The following MGAT5 variants were observed in gnomAD, a reference collection of about 807,000 sequenced individuals.
MGAT5 encodes alpha-1,6-mannosylglycoprotein 6-beta-N-acetylglucosaminyltransferase.
In MGAT5, 30 loss-of-function variants were observed where a neutral mutation model predicts 94.3. The observed-to-expected ratio is 0.32, with a 90% CI of 0.24 to 0.43. The LOEUF is 0.43. MGAT5 is among the 20% of genes least tolerant of loss of function. The pLI is 1.00. For missense variants in MGAT5, 691 were observed against 905.5 expected (o/e 0.76, Z 3.04); for synonymous variants, 310 against 322.9 (o/e 0.96, Z 0.43).
chr2:134,129,934 G>A (rs1043827781), intron 1 of MGAT5, among the ~76,000 whole-genome samples: 1 of 152,188 alleles, frequency 6.6e-6, no homozygotes, highest in Non-Finnish European at 1.5e-5. Flanking sequence ...TTGCGGGGAG[G>A]TGTGGAGGGA....
chr2:134,406,081 C>G (rs1411963474), intron 11 of MGAT5, among the ~76,000 whole-genome samples: 1 of 152,236 alleles, frequency 6.6e-6, no homozygotes, highest in Non-Finnish European at 1.5e-5. Context: ...TCAGGACTCA[C>G]TAGGGTGGCA....
chr2:134,306,150 A>G (rs968666657), intron 2 of MGAT5, among the ~76,000 whole-genome samples: 3 of 152,192 alleles, frequency 2.0e-5, no homozygotes, highest in African/African-American at 7.2e-5. Flanking sequence ...TATGATACCC[A>G]CGTGGAATAT....
intron 1 of MGAT5, among the ~76,000 whole-genome samples, chr2:134,198,460 C>A (rs2105269318): frequency 6.6e-6 from 1 of 152,286 alleles, no homozygotes; most frequent in Admixed American, 6.5e-5. Flanking sequence ...GTGTGTGAGG[C>A]TTGGCTGTTT....
chr2:134,161,973 A>G (rs533562980), intron 1 of MGAT5, among the ~76,000 whole-genome samples: 3 of 151,806 alleles, frequency 2.0e-5, no homozygotes, highest in Admixed American at 1.3e-4. Flanking sequence ...GGCAGATCAC[A>G]TGAGGTTAGG....
intron 1 of MGAT5, among the ~76,000 whole-genome samples, chr2:134,208,324 C>A (rs912400034): frequency 3.9e-5 from 6 of 152,160 alleles, no homozygotes; most frequent in Admixed American, 2.6e-4. Context: ...ATTTGATGTG[C>A]GTATGCATGT....
At chr2:134,159,916 C>T (rs577127338) in intron 1 of MGAT5, among the ~76,000 whole-genome samples, 1 of 152,272 alleles carries the variant, frequency 6.6e-6, no homozygotes, top group East Asian at 1.9e-4. Context: ...TTTAAAAGTT[C>T]CTTATGGGAT....
intron 1 of MGAT5, among the ~76,000 whole-genome samples, chr2:134,266,682 C>T (rs1055779170): frequency 1.3e-5 from 2 of 152,192 alleles, no homozygotes; most frequent in Non-Finnish European, 2.9e-5. Flanking sequence ...TGTTCACTTA[C>T]GTAACACATG....
At chr2:134,330,045 C>T (rs1222376098) in intron 4 of MGAT5, among the ~76,000 whole-genome samples, 1 of 152,022 alleles carries the variant, frequency 6.6e-6, no homozygotes, top group Non-Finnish European at 1.5e-5. Context: ...ATCAGTATAA[C>T]AAATGTGTGT....
At chr2:134,415,485 G>C (rs1412037714) in intron 12 of MGAT5, among the ~76,000 whole-genome samples, 3 of 152,108 alleles carry the variant, frequency 2.0e-5, no homozygotes, top group Non-Finnish European at 4.4e-5. Context: ...TTCCGCAGTT[G>C]AGTTGTAGGA....
chr2:134,448,832 C>G lies in MGAT5; in HGVS notation c.2211C>G (p.Cys737Trp). The stretch of plus-strand genomic sequence containing the variant: ...TCATCAAGGGCCAGGTGGCTCTCTG[C>G]AAAGACTGCCTATAGCAGCTACCTG... ...RDFIKGQVALCKDCL is the reference protein window; with the variant it reads ...RDFIKGQVALWKDCL The change falls in exon 16 of 16, where the codon TGC becomes TGG. Residue 737 changes from cysteine (C) to tryptophan (W), a missense_variant. Physicochemically the swap from Cys to Trp is radical, Grantham distance 215. Transcript: ENST00000281923. 1.9e-6 allele frequency: 3 copies of G among 1,613,400 alleles called. No homozygotes were observed. Among genetic ancestry groups the G allele is most frequent in the Non-Finnish European group, 2.5e-6 (3 of 1,179,954 alleles).
At chr2:134,192,355 CT>C (rs1053401038) in intron 1 of MGAT5, among the ~76,000 whole-genome samples, 214 of 152,288 alleles carry the variant, frequency 1.4e-3, no homozygotes, top group African/African-American at 4.5e-3. Flanking sequence ...TGAACTTGGG[CT>C]TTCGCAGCCT....
chr2:134,371,842 G>A lies in MGAT5; in HGVS notation c.1380+9434G>A, dbSNP rs1680823499. Among the ~76,000 whole-genome samples, 3 of 152,094 alleles carry A rather than the reference G, an allele frequency of 2.0e-5. 1 individual carries two copies. The highest frequency in any genetic ancestry group is 6.8e-3 in the Middle Eastern group (2 of 294). ...CCTCTGGAATAGCATTGATGTGTTG[G>A]GTTCTTTGCTAAGATGATTTCCAGT... On this transcript the variant is annotated intron_variant, in intron 10 of 15. Coordinates refer to ENST00000281923, the MANE Select transcript of MGAT5 (RefSeq NM_002410.5).
chr2:134,337,841 C>G (rs1258599880), intron 5 of MGAT5, among the ~76,000 whole-genome samples: 1 of 150,022 alleles, frequency 6.7e-6, no homozygotes, highest in African/African-American at 2.4e-5. Flanking sequence ...TTTCTGGCAA[C>G]TTCCACGTTG....
intron 14 of MGAT5, among the ~76,000 whole-genome samples, chr2:134,439,901 CTCGG>C (rs1685388143): frequency 3.3e-5 from 5 of 152,190 alleles, no homozygotes; most frequent in Non-Finnish European, 7.3e-5. Flanking sequence ...GAAACATTTC[CTCGG>C]CTTGCGTCAG....
At chr2:134,327,797 T>G (rs1048951662) in intron 4 of MGAT5, among the ~76,000 whole-genome samples, 1 of 152,090 alleles carries the variant, frequency 6.6e-6, no homozygotes, top group African/African-American at 2.4e-5. Flanking sequence ...AATGAGCCAA[T>G]TGTATTAGAA....
At chr2:134,328,465 G>T (rs1429843221) in intron 4 of MGAT5, among the ~76,000 whole-genome samples, 2 of 152,072 alleles carry the variant, frequency 1.3e-5, no homozygotes, top group East Asian at 3.9e-4. Flanking sequence ...CCTCATTGAG[G>T]TCAAGATAAA....
At chr2:134,343,643 A>G (rs565719323) in intron 7 of MGAT5, among the ~76,000 whole-genome samples, 2 of 152,328 alleles carry the variant, frequency 1.3e-5, no homozygotes, top group African/African-American at 4.8e-5. Context: ...GGGGTAGGAC[A>G]CAGCCATAAG....
chr2:134,316,155 T>C (rs1303463436), intron 2 of MGAT5, among the ~76,000 whole-genome samples: 1 of 152,200 alleles, frequency 6.6e-6, no homozygotes, highest in Non-Finnish European at 1.5e-5. Flanking sequence ...TTGTCTTGTT[T>C]TCCGACTAAA....
intron 1 of MGAT5, among the ~76,000 whole-genome samples, chr2:134,131,572 ATTTTTTTTT>A (rs10617178): frequency 2.5e-4 from 21 of 85,250 alleles, no homozygotes; most frequent in Non-Finnish European, 3.5e-4. Context: ...TGGTAGATTG[ATTTTTTTTT>A]TTTTTTTTTT....
Sources: allele counts gnomAD v4.1 joint callset (sites outside exome capture counted in the v4.1 genomes callset), GRCh38; gene constraint gnomAD v4.1.1; transcripts MANE v1.5; gene names NCBI Gene and HGNC (gene_info 2026-07-23, HGNC 2026-07-21).